Variants in GPC6 observed in about 807,000 individuals in gnomAD.
GPC6 encodes the protein glypican 6.
Under a neutral mutation model 55.2 loss-of-function variants are expected in GPC6, and 14 were observed. That is an observed-to-expected ratio of 0.25 (90% confidence interval 0.17 to 0.40). GPC6 has a LOEUF of 0.40. GPC6 is among the 10% of genes least tolerant of loss of function. GPC6 has a pLI of 1.00. For synonymous variants in GPC6, 278 were observed against 259.6 expected, an observed-to-expected ratio of 1.07 and a Z score of -0.68; for missense variants, 641 against 708.5, an observed-to-expected ratio of 0.90 and a Z score of 1.08.
At chr13:93,470,671 T>C (rs1879077826) in intron 1 of GPC6, among the ~76,000 whole-genome samples, 1 of 152,130 alleles carries the variant, frequency 6.6e-6, no homozygotes, top group South Asian at 2.1e-4. Flanking sequence ...TTTGGAGAAG[T>C]ATTCCCTTCT....
chr13:94,101,252 G>A (rs1885846460), intron 4 of GPC6, among the ~76,000 whole-genome samples: 1 of 152,230 alleles, frequency 6.6e-6, no homozygotes, highest in African/African-American at 2.4e-5. Context: ...AAGCTCAGGT[G>A]AAGCGCAGCT....
At chr13:93,454,595 AGGGTGCTG>A (rs1878365741) in intron 1 of GPC6, among the ~76,000 whole-genome samples, 2 of 96,440 alleles carry the variant, frequency 2.1e-5, no homozygotes, top group Non-Finnish European at 5.0e-5. Context: ...AGCTAGAGAC[AGGGTGCTG>A]AGTGGTGTTT....
chr13:93,740,706 A>G (rs1218151921), intron 2 of GPC6, among the ~76,000 whole-genome samples: 1 of 152,220 alleles, frequency 6.6e-6, no homozygotes, highest in African/African-American at 2.4e-5. Flanking sequence ...TCAGCTTGCA[A>G]GATACATTAG....
At chr13:93,249,062 A>T (rs1015603827) in intron 1 of GPC6, among the ~76,000 whole-genome samples, 7 of 152,108 alleles carry the variant, frequency 4.6e-5, no homozygotes, top group Admixed American at 3.3e-4. Flanking sequence ...ATATCCTAGG[A>T]CCTATTCACT....
intron 3 of GPC6, among the ~76,000 whole-genome samples, chr13:94,023,267 G>T (rs1882769747): frequency 1.4e-5 from 2 of 148,064 alleles, no homozygotes; most frequent in African/African-American, 5.0e-5. Context: ...TCTTTATTTT[G>T]GTTTTGCTAA....
chr13:93,424,474 T>A (rs1877045710), intron 1 of GPC6, among the ~76,000 whole-genome samples: 1 of 152,114 alleles, frequency 6.6e-6, no homozygotes, highest in Non-Finnish European at 1.5e-5. Flanking sequence ...TCCATCCTGA[T>A]GCGGGGATCT....
intron 2 of GPC6, among the ~76,000 whole-genome samples, chr13:93,622,870 G>A (rs1879016715): frequency 1.3e-5 from 2 of 152,066 alleles, no homozygotes; most frequent in Admixed American, 1.3e-4. Context: ...CTATCTATTT[G>A]TAATTCTGTA....
intron 1 of GPC6, among the ~76,000 whole-genome samples, chr13:93,365,035 A>G (rs948342676): frequency 1.8e-4 from 28 of 151,746 alleles, no homozygotes; most frequent in Admixed American, 1.6e-3. Flanking sequence ...CTGCATTTAG[A>G]TCTGATTTTT....
At chr13:94,111,596 T>A (rs1377278679) in intron 4 of GPC6, among the ~76,000 whole-genome samples, 1 of 151,960 alleles carries the variant, frequency 6.6e-6, no homozygotes, top group African/African-American at 2.4e-5. Flanking sequence ...CTCCTGTGAA[T>A]TATTCTCTGA....
chr13:93,508,974 C>T (rs1345161496), intron 1 of GPC6, among the ~76,000 whole-genome samples: 2 of 152,094 alleles, frequency 1.3e-5, no homozygotes, highest in African/African-American at 4.8e-5. Context: ...AGCAGGGGAG[C>T]TTATGGTCGG....
chr13:93,983,523 A>G (rs2140407048), intron 3 of GPC6, among the ~76,000 whole-genome samples: 1 of 151,956 alleles, frequency 6.6e-6, no homozygotes, highest in East Asian at 1.9e-4. Flanking sequence ...GCAGCCTCCA[A>G]CTCCTGGGCT....
chr13:93,778,713 A>C (rs1885543869), intron 2 of GPC6, among the ~76,000 whole-genome samples: 1 of 152,134 alleles, frequency 6.6e-6, no homozygotes, highest in Non-Finnish European at 1.5e-5. Context: ...TCTCCACCCT[A>C]TCTCACCTCT....
intron 4 of GPC6, among the ~76,000 whole-genome samples, chr13:94,197,948 A>G (rs117399912): frequency 1.4e-3 from 216 of 152,338 alleles, no homozygotes; most frequent in Admixed American, 2.7e-3. Flanking sequence ...ACTTGTTTTT[A>G]GAATGTTGCT....
chr13:94,108,353 A>G (rs1245838952), intron 4 of GPC6, among the ~76,000 whole-genome samples: 3 of 152,150 alleles, frequency 2.0e-5, no homozygotes, highest in Admixed American at 6.6e-5. Context: ...ATTCAAGGGC[A>G]TAAGAATGGA....
At chr13:93,997,840 A>G (rs936464632) in intron 3 of GPC6, among the ~76,000 whole-genome samples, 3 of 152,210 alleles carry the variant, frequency 2.0e-5, no homozygotes, top group Non-Finnish European at 4.4e-5. Flanking sequence ...GTCCTGCTGC[A>G]TTAGCAACAA....
At chr13:94,026,482 A>G (rs1882899064) in intron 3 of GPC6, among the ~76,000 whole-genome samples, 1 of 151,942 alleles carries the variant, frequency 6.6e-6, no homozygotes, top group South Asian at 2.1e-4. Flanking sequence ...CCTCAGATCT[A>G]GAATGCAAGT....
At chr13:93,456,184 A>G (rs1878446611) in intron 1 of GPC6, among the ~76,000 whole-genome samples, 1 of 138,476 alleles carries the variant, frequency 7.2e-6, no homozygotes, top group African/African-American at 2.5e-5. Flanking sequence ...ATTCATTGCA[A>G]ACATATTGGA....
intron 1 of GPC6, among the ~76,000 whole-genome samples, chr13:93,397,745 G>T (rs538877384): frequency 1.1e-4 from 17 of 150,898 alleles, no homozygotes; most frequent in African/African-American, 3.9e-4. Flanking sequence ...AGATAACCAT[G>T]TTCTTTTCTC....
At chr13:94,165,132 A>T (rs543949270) in intron 4 of GPC6, among the ~76,000 whole-genome samples, 3 of 151,858 alleles carry the variant, frequency 2.0e-5, no homozygotes, top group African/African-American at 7.2e-5. Flanking sequence ...AATTGCAAAA[A>T]TATGGAACCA....
Sources: gnomAD v4.1 joint callset for allele counts (sites outside exome capture counted in the v4.1 genomes callset) on GRCh38, gnomAD v4.1.1 for gene constraint, MANE v1.5 for transcripts, NCBI Gene and HGNC (gene_info 2026-07-23, HGNC 2026-07-21) for gene names.